Variants in COL4A4 observed in about 807,000 individuals in gnomAD.
The protein encoded by COL4A4 is collagen alpha-4(IV) chain.
COL4A4 carries 105 observed loss-of-function variants against 192.9 expected under a neutral mutation model. The ratio of observed to expected loss-of-function variants is 0.54; its 90% CI spans 0.46 to 0.64. COL4A4 has a LOEUF of 0.64. Among genes scored for constraint, COL4A4 ranks in the 30% least tolerant of loss-of-function variants. COL4A4 has a pLI of 0.00. For synonymous variants in COL4A4, 762 were observed against 769.9 expected, an observed-to-expected ratio of 0.99 and a Z score of 0.17; for missense variants, 1,967 against 2,169.3, an observed-to-expected ratio of 0.91 and a Z score of 1.85.
Position 227,077,755 on chromosome 2 carries a change from CG to C in COL4A4, c.1987+138del. 5.4e-6 allele frequency: 4 copies of C among 741,726 alleles called. No homozygotes were observed. The South Asian group carries it at 7.6e-5, about 14-fold the overall frequency. 45.9% of individuals were successfully genotyped at this position (741,726 alleles called of 1,614,324 possible). A position where few individuals can be genotyped will look rare whatever the true frequency, so the allele number is the denominator to read the frequency against. On this transcript the variant is annotated intron_variant, in intron 25 of 47. Coordinates refer to ENST00000396625, the MANE Select transcript of COL4A4 (RefSeq NM_000092.5). Reference sequence around the variant, plus strand: ...GGGTCTAGGGATACAAAAATCTACACGTTAGGTAAAATGTACACTACTCGGG... The same window carrying C: ...GGGTCTAGGGATACAAAAATCTACACTTAGGTAAAATGTACACTACTCGGG...
At chr2:227,097,498 T>G (rs1281966773) in intron 19 of COL4A4, among the ~76,000 whole-genome samples, 1 of 152,212 alleles carries the variant, frequency 6.6e-6, no homozygotes, top group Non-Finnish European at 1.5e-5. Context: ...TTAATTTATT[T>G]TTTAAAACCT....
the COL4A4 span, among the ~76,000 whole-genome samples, chr2:226,973,053 T>C: frequency 6.6e-6 from 1 of 152,222 alleles, no homozygotes; most frequent in Admixed American, 6.5e-5. Context: ...CTACCTGAGT[T>C]TGGGTTGTGC....
At chr2:227,129,636 C>T (rs898011519) in intron 4 of COL4A4, among the ~76,000 whole-genome samples, 18 of 152,070 alleles carry the variant, frequency 1.2e-4, no homozygotes, top group South Asian at 4.2e-4. Context: ...CTCGAACTCC[C>T]GACCTCAAGT....
At chr2:226,969,848 C>A in the COL4A4 span, among the ~76,000 whole-genome samples, 5 of 152,064 alleles carry the variant, frequency 3.3e-5, no homozygotes. Context: ...GGTTTGTTTT[C>A]TTGTTTTATT....
chr2:227,016,045 C>T (rs1472188465), intron 44 of COL4A4, among the ~76,000 whole-genome samples: 2 of 152,036 alleles, frequency 1.3e-5, no homozygotes, highest in East Asian at 1.9e-4. Context: ...TGGTCTTCAA[C>T]ATTAGGTGGT....
chr2:227,115,590 A>G (rs1286695496), intron 7 of COL4A4, among the ~76,000 whole-genome samples: 2 of 152,066 alleles, frequency 1.3e-5, no homozygotes, highest in African/African-American at 4.8e-5. Flanking sequence ...AATTCTTAAT[A>G]TATCTTCTCT....
In COL4A4 at chr2:227,074,915, C is replaced by G. The variant is rs576957136; in HGVS notation, c.1987+2979G>C. 7.2e-5 allele frequency among the ~76,000 whole-genome samples: 11 copies of G among 151,932 alleles called. No homozygotes were observed. The South Asian group carries it at 2.3e-3, about 32-fold the overall frequency. On this transcript the variant is annotated intron_variant, in intron 25 of 47. Coordinates refer to ENST00000396625, the MANE Select transcript of COL4A4 (RefSeq NM_000092.5). ...GAGATTCAGAAAAGGGAGGATGCCCCAAGACTAAACCAGGAAGAATTCAAA... is the reference window on the plus strand; with the variant it reads ...GAGATTCAGAAAAGGGAGGATGCCCGAAGACTAAACCAGGAAGAATTCAAA...
Position 227,155,841 on chromosome 2 carries a change from G to T in COL4A4, c.-102+8166C>A, listed in dbSNP as rs56667071. ...AGAAGATTTGTGTTCAGATCTTGAT[G>T]ACTCCCATCATATAAGTAATTAATT... is the stretch of plus-strand genomic sequence containing the variant. On this transcript the variant is annotated intron_variant, in intron 1 of 47. Transcript: ENST00000396625. Among the ~76,000 whole-genome samples the T allele has an allele frequency of 4.0e-3, 614 of 152,176 alleles. 3 individuals carry two copies. Among genetic ancestry groups the T allele is most frequent in the African/African-American group, 0.014 (590 of 41,532 alleles).
chr2:227,098,054 C>G (rs1200953903), intron 19 of COL4A4, among the ~76,000 whole-genome samples: 1 of 152,212 alleles, frequency 6.6e-6, no homozygotes, highest in Non-Finnish European at 1.5e-5. Flanking sequence ...GACTCTTTCC[C>G]AGGCTTTTTA....
chr2:227,007,197 C>A lies in COL4A4; in HGVS notation c.*128G>T. 7.5e-7 allele frequency: 1 copy of A among 1,340,058 alleles called. No individual in the cohort carries two copies. The highest frequency in any genetic ancestry group is 1.2e-5 in the South Asian group (1 of 84,738). 83.0% of individuals were successfully genotyped at this position (1,340,058 alleles called of 1,614,324 possible). A position where few individuals can be genotyped will look rare whatever the true frequency, so the allele number is the denominator to read the frequency against. ...AACCAGAGGACTCTGGGAATAACCA[C>A]GACAAAACAGAAGGAACCACTGAAA... On this transcript the variant is annotated 3_prime_UTR_variant, in exon 48 of 48. Transcript: ENST00000396625.
chr2:227,021,854 A>AATG (rs1331346614), intron 44 of COL4A4, among the ~76,000 whole-genome samples, 194 bp downstream of exon 44: 4 of 152,138 alleles, frequency 2.6e-5, no homozygotes, highest in Admixed American at 6.5e-5. Flanking sequence ...ATAAAATAAT[A>AATG]GAAGGGATGT....
chr2:227,158,416 A>G (rs755641547), intron 1 of COL4A4, among the ~76,000 whole-genome samples: 1 of 152,168 alleles, frequency 6.6e-6, no homozygotes, highest in Non-Finnish European at 1.5e-5. Flanking sequence ...CAATTTTGGC[A>G]TAGGTATAGA....
At chr2:227,092,918 C>G (rs1455700165) in intron 20 of COL4A4, among the ~76,000 whole-genome samples, 1 of 152,174 alleles carries the variant, frequency 6.6e-6, no homozygotes, top group Admixed American at 6.5e-5. Context: ...AATAGCAATA[C>G]AAGTACATTG....
chr2:227,112,299 G>A (rs141994761), intron 8 of COL4A4, among the ~76,000 whole-genome samples: 1,517 of 147,922 alleles, frequency 0.01, 30 homozygotes, highest in African/African-American at 0.036. Context: ...ATGGAGTCTC[G>A]CTCTTGTCAC....
chr2:227,060,749 ACAGAGT>A, intron 26 of COL4A4, among the ~76,000 whole-genome samples: 1 of 147,598 alleles, frequency 6.8e-6, no homozygotes, highest in East Asian at 2.0e-4. Flanking sequence ...TTTTTTTGAG[ACAGAGT>A]CTTGCTTTGT....
At chr2:227,104,477 G>A (rs2060704833) in intron 12 of COL4A4, among the ~76,000 whole-genome samples, 1 of 150,238 alleles carries the variant, frequency 6.7e-6, no homozygotes, top group Admixed American at 6.6e-5. Flanking sequence ...AGCTACTTGG[G>A]AGGCTGAGGC....
chr2:226,986,837 C>G, the COL4A4 span, among the ~76,000 whole-genome samples: 1 of 152,096 alleles, frequency 6.6e-6, no homozygotes, highest in African/African-American at 2.4e-5. Context: ...GGGTATATAC[C>G]CAAAGGACTA....
chr2:227,108,813 T>C lies in COL4A4; in HGVS notation c.693+20A>G. The C allele has an allele frequency of 6.2e-7, 1 of 1,610,568 alleles. No homozygotes were observed. Among genetic ancestry groups the C allele is most frequent in the East Asian group, 2.2e-5 (1 of 44,768 alleles). On this transcript the variant is annotated intron_variant, in intron 11 of 47. Coordinates refer to ENST00000396625, the MANE Select transcript of COL4A4 (RefSeq NM_000092.5). ...CATTGTTCAGGGCTCTATTGATGTATCTTGCTCATGACTGCCTACCTTCAA... is the reference window on the plus strand; with the variant it reads ...CATTGTTCAGGGCTCTATTGATGTACCTTGCTCATGACTGCCTACCTTCAA...
rs2063627904 is a variant in COL4A4 at position 227,147,525 on chromosome 2, T to C, written c.-42A>G. 4 of 1,572,680 alleles carry C rather than the reference T, an allele frequency of 2.5e-6. No homozygotes were observed. The highest frequency in any genetic ancestry group is 2.6e-6 in the Non-Finnish European group (3 of 1,144,326). On this transcript the variant is annotated 5_prime_UTR_variant, in exon 2 of 48. Coordinates refer to ENST00000396625, the MANE Select transcript of COL4A4 (RefSeq NM_000092.5). Reference sequence around the variant, plus strand: ...TACTTAAAAAATATTCTGCCAGTCTTCTCTTCCAGAAGGTTCTTGTTGACA... The same window carrying C: ...TACTTAAAAAATATTCTGCCAGTCTCCTCTTCCAGAAGGTTCTTGTTGACA...
Sources: allele counts gnomAD v4.1 joint callset (sites outside exome capture counted in the v4.1 genomes callset), GRCh38; gene constraint gnomAD v4.1.1; transcripts MANE v1.5; gene names NCBI Gene and HGNC (gene_info 2026-07-23, HGNC 2026-07-21).